GTF3C5: variants seen among roughly 807,000 people sequenced by gnomAD.
GTF3C5 encodes the protein general transcription factor IIIC subunit 5.
GTF3C5 carries 47 observed loss-of-function variants against 61.0 expected under a neutral mutation model. The observed-to-expected ratio is 0.77, with a 90% CI of 0.61 to 0.98. The LOEUF (loss-of-function observed/expected upper bound fraction) is 0.98, where lower values mean the gene tolerates loss of function less well. GTF3C5 is among the 50% of genes least tolerant of loss of function. The pLI, the probability that GTF3C5 is intolerant of heterozygous loss-of-function variation, is 0.00. For synonymous variants in GTF3C5, 295 were observed against 275.4 expected (o/e 1.07, Z -0.71); for missense variants, 659 against 703.3 (o/e 0.94, Z 0.71).
chr9:133,053,686 C>T (rs1829829605), intron 5 of GTF3C5, 142 bp from the exon 6 acceptor site: 1 of 513,652 alleles, frequency 1.9e-6, no homozygotes, highest in Non-Finnish European at 3.5e-6. Flanking sequence ...GTGACAGGGC[C>T]TGCATGTGGC....
rs1219796251 is a variant in GTF3C5 at position 133,056,013 on chromosome 9, A to G, written c.1169A>G (p.Asp390Gly). 8 of 1,613,646 alleles carry G rather than the reference A, an allele frequency of 5.0e-6. No homozygotes were observed. In the Admixed American group the frequency reaches 1.3e-4, roughly 27 times the overall value. ...KPASSKYKLK[D>G]SVYIFREGAL... is the part of the protein sequence containing the mutation. Reference sequence around the variant, plus strand: ...GTCTCTCTCCCCCTTTGTCACCAGGACTCTGTCTACATCTTCCGGGAAGGG... The same window carrying G: ...GTCTCTCTCCCCCTTTGTCACCAGGGCTCTGTCTACATCTTCCGGGAAGGG... The change falls in exon 9 of 11, where the codon GAC (aspartate) becomes GGC (glycine). Residue 390 changes from aspartate (D) to glycine (G), a missense_variant and splice_region_variant. Asp to Gly is a moderately conservative substitution (Grantham distance 94, BLOSUM62 -1). Coordinates refer to ENST00000372097, the MANE Select transcript of GTF3C5 (RefSeq NM_012087.4).
Position 133,042,242 on chromosome 9 carries a change from C to T in GTF3C5, c.309C>T (p.Ala103=). 6.2e-7 allele frequency: 1 copy of T among 1,613,784 alleles called. No homozygotes were observed. The highest frequency in any genetic ancestry group is 8.5e-7 in the Non-Finnish European group (1 of 1,179,622). ...AGAAAGGGGTGCTGGGCACTGAGGCCCACTCCGAGGTCACATTTGACATGG... is the reference window on the plus strand; with the variant it reads ...AGAAAGGGGTGCTGGGCACTGAGGCTCACTCCGAGGTCACATTTGACATGG... The part of the protein sequence containing the change: ...RRQKGVLGTE[A]HSEVTFDMEI... The change falls in exon 2 of 11, where the codon GCC becomes GCT. Residue 103 remains alanine (A), a synonymous_variant. Coordinates refer to ENST00000372097, the MANE Select transcript of GTF3C5 (RefSeq NM_012087.4).
Position 133,054,430 on chromosome 9 carries a change from G to T in GTF3C5, c.1011G>T (p.Pro337=), listed in dbSNP as rs150162641. Residue 337 remains proline (P), a synonymous_variant, in exon 7 of 11, where the codon CCG becomes CCT. Transcript: ENST00000372097. Reference sequence around the variant, plus strand: ...CAGGTTACGCCCCCAGTGACTTGCCGGTCAAAGCAAAGCGCAGCACCTACA... The same window carrying T: ...CAGGTTACGCCCCCAGTGACTTGCCTGTCAAAGCAAAGCGCAGCACCTACA... ...MKHGYAPSDL[P]VKAKRSTYNY... 6.2e-7 allele frequency: 1 copy of T among 1,614,010 alleles called. No individual in the cohort carries two copies. The highest frequency in any genetic ancestry group is 8.5e-7 in the Non-Finnish European group (1 of 1,180,024).
At chr9:133,055,007 G>T in intron 8 of GTF3C5, 198 bp downstream of exon 8, 1 of 1,551,696 alleles carries the variant, frequency 6.4e-7, no homozygotes, top group South Asian at 1.2e-5. Flanking sequence ...GTGTGTTGGG[G>T]ACATCTGGCG....
In GTF3C5 at chr9:133,031,081, A is replaced by G. The variant is rs934737049; in HGVS notation, c.70A>G (p.Met24Val). 1.3e-5 allele frequency: 21 copies of G among 1,610,070 alleles called. No homozygotes were observed. The highest frequency in any genetic ancestry group is 1.8e-5 in the Non-Finnish European group (21 of 1,178,114). The change falls in exon 1 of 11, where the codon ATG becomes GTG. Residue 24 changes from methionine (M) to valine (V), a missense_variant. By Grantham distance (21) the Met-to-Val change is conservative. Coordinates refer to ENST00000372097, the MANE Select transcript of GTF3C5 (RefSeq NM_012087.4). ...CGTGGAGCTGAGGCGGGAGCGACGCATGGTGTGCGTGGAGTACCCGGGAGT... is the reference window on the plus strand; with the variant it reads ...CGTGGAGCTGAGGCGGGAGCGACGCGTGGTGTGCGTGGAGTACCCGGGAGT... Reference protein sequence around the residue: ...VPVELRRERRMVCVEYPGVVR... With the variant: ...VPVELRRERRVVCVEYPGVVR...
At chr9:133,038,740 A>C (rs1328873026) in intron 1 of GTF3C5, among the ~76,000 whole-genome samples, 1 of 151,584 alleles carries the variant, frequency 6.6e-6, no homozygotes, top group Non-Finnish European at 1.5e-5. Flanking sequence ...TACAGGTGTG[A>C]GCCACTGCGC....
intron 8 of GTF3C5, 184 bp downstream of exon 8, chr9:133,054,993 C>T (rs377269946): frequency 6.4e-7 from 1 of 1,551,696 alleles, no homozygotes; most frequent in Non-Finnish European, 8.7e-7. Flanking sequence ...AGCCCCAGGG[C>T]TGTGTGTGTT....
At chr9:133,033,584 G>A (rs764312796) in intron 1 of GTF3C5, among the ~76,000 whole-genome samples, 1 of 152,144 alleles carries the variant, frequency 6.6e-6, no homozygotes, top group African/African-American at 2.4e-5. Context: ...GGGCTGACCC[G>A]CAGGGTGTTG....
rs982075699 is a variant in GTF3C5 at position 133,035,340 on chromosome 9, G to T, written c.153+4176G>T. Among the ~76,000 whole-genome samples, 7 of 152,224 alleles carry T rather than the reference G, an allele frequency of 4.6e-5. No individual in the cohort carries two copies. In the Middle Eastern group the frequency reaches 0.01, roughly 222 times the overall value. On this transcript the variant is annotated intron_variant, in intron 1 of 10. Coordinates refer to ENST00000372097, the MANE Select transcript of GTF3C5 (RefSeq NM_012087.4). Reference sequence around the variant, plus strand: ...GTAATCAATTTGGACACTTTGGGACGGTCTTAACCCTGGACTCCTTTCCCC... The same window carrying T: ...GTAATCAATTTGGACACTTTGGGACTGTCTTAACCCTGGACTCCTTTCCCC...
chr9:133,032,935 C>T (rs1423508714), intron 1 of GTF3C5, among the ~76,000 whole-genome samples: 1 of 152,160 alleles, frequency 6.6e-6, no homozygotes, highest in African/African-American at 2.4e-5. Context: ...GATAAAAGTA[C>T]AACATTGGGT....
intron 1 of GTF3C5, among the ~76,000 whole-genome samples, chr9:133,041,805 TG>T (rs1850048331): frequency 6.6e-6 from 1 of 152,210 alleles, no homozygotes; most frequent in Non-Finnish European, 1.5e-5. Context: ...TCCCCTCAAG[TG>T]TTGCCAGAAG....
intron 10 of GTF3C5, among the ~76,000 whole-genome samples, chr9:133,057,571 A>T (rs1286428930): frequency 1.3e-5 from 2 of 151,866 alleles, no homozygotes; most frequent in Non-Finnish European, 2.9e-5. Context: ...TGGTGTGTTC[A>T]CTCCTGAGGG....
chr9:133,046,109 T>C (rs748771566), intron 3 of GTF3C5, among the ~76,000 whole-genome samples: 1 of 152,020 alleles, frequency 6.6e-6, no homozygotes, highest in Non-Finnish European at 1.5e-5. Context: ...GAGGATCACT[T>C]GAGGCCAAAA....
intron 10 of GTF3C5, 96 bp from the exon 11 acceptor site, chr9:133,057,718 A>ATAG: frequency 8.5e-7 from 1 of 1,170,182 alleles, no homozygotes; most frequent in Non-Finnish European, 1.2e-6. Context: ...TCGGACCCTT[A>ATAG]TAGTAGTAAA....
rs573673713 is a variant in GTF3C5 at position 133,056,184 on chromosome 9, C to T, written c.1250+90C>T. The T allele has an allele frequency of 5.8e-6, 6 of 1,043,380 alleles. No homozygotes were observed. The East Asian group carries it at 1.0e-4, about 18-fold the overall frequency. The allele number at this position is 1,043,380 out of a possible 1,614,324, so 64.6% of individuals were successfully genotyped here. On this transcript the variant is annotated intron_variant, in intron 9 of 10. Transcript: ENST00000372097. ...TCTGAACTCTTCCACTTCACGTCGG[C>T]CTTCATCTCCGGCAAGAGCACTCGC... is the stretch of plus-strand genomic sequence containing the variant.
intron 1 of GTF3C5, among the ~76,000 whole-genome samples, chr9:133,032,391 A>T (rs1203651748): frequency 5.9e-5 from 9 of 152,166 alleles, no homozygotes; most frequent in Admixed American, 5.9e-4. Flanking sequence ...TGGGAAGACT[A>T]GTTTCGGCGG....
intron 6 of GTF3C5, 83 bp downstream of exon 6, chr9:133,054,025 CTT>C (rs908982535): frequency 8.7e-6 from 8 of 918,794 alleles, no homozygotes; most frequent in African/African-American, 3.3e-5. Flanking sequence ...TAGTAAGAAT[CTT>C]TTCATTTGGA....
chr9:133,031,217 A>G, intron 1 of GTF3C5, 53 bp downstream of exon 1: 1 of 1,459,756 alleles, frequency 6.9e-7, no homozygotes, highest in Non-Finnish European at 9.2e-7. Flanking sequence ...TCGCAAAGAA[A>G]ACGAGCACTC....
intron 1 of GTF3C5, among the ~76,000 whole-genome samples, chr9:133,041,498 TA>T (rs1850037992): frequency 6.6e-6 from 1 of 152,174 alleles, no homozygotes; most frequent in African/African-American, 2.4e-5. Context: ...GCCAGGCAGG[TA>T]AGGGCCCCCT....
Sources: gnomAD v4.1 joint callset for allele counts (sites outside exome capture counted in the v4.1 genomes callset) on GRCh38, gnomAD v4.1.1 for gene constraint, MANE v1.5 for transcripts, NCBI Gene and HGNC (gene_info 2026-07-23, HGNC 2026-07-21) for gene names.